The following DIP2C variants were observed in gnomAD, a reference collection of about 807,000 sequenced individuals.
The protein encoded by DIP2C is DIP2 acetate--CoA ligase C (putative).
DIP2C carries 33 observed loss-of-function variants against 192.4 expected under a neutral mutation model. The ratio of observed to expected loss-of-function variants is 0.17; its 90% CI spans 0.13 to 0.23. DIP2C has a LOEUF of 0.23. DIP2C is among the 10% of genes least tolerant of loss of function. DIP2C has a pLI of 1.00. For synonymous variants in DIP2C, 979 were observed against 864.1 expected (o/e 1.13, Z -2.33); for missense variants, 1,537 against 2,110.1 (o/e 0.73, Z 5.32).
In DIP2C at chr10:688,157, C is replaced by A. The variant is rs374656683; in HGVS notation, c.85+1337G>T. On this transcript the variant is annotated intron_variant, in intron 1 of 36. Coordinates refer to ENST00000280886, the MANE Select transcript of DIP2C (RefSeq NM_014974.3). ...CCAGTTTACATCCGAACCCTGCACA[C>A]GGCAGCTCCCGCCTCCTAGCCATGC... Among the ~76,000 whole-genome samples, 47 of 152,312 alleles carry A rather than the reference C, an allele frequency of 3.1e-4. No individual in the cohort carries two copies. The South Asian group carries it at 3.7e-3, about 12-fold the overall frequency.
intron 13 of DIP2C, among the ~76,000 whole-genome samples, chr10:388,096 G>A (rs750235412): frequency 6.6e-6 from 1 of 151,862 alleles, no homozygotes. Flanking sequence ...CCCCCTCTCT[G>A]CCTTTTTCTT....
intron 32 of DIP2C, among the ~76,000 whole-genome samples, chr10:308,909 C>T (rs754593477): frequency 6.6e-6 from 1 of 152,214 alleles, no homozygotes; most frequent in African/African-American, 2.4e-5. Context: ...GCTGTTGGGA[C>T]ACCCCTGGTC....
chr10:351,338 C>T (rs1958798101), intron 24 of DIP2C, among the ~76,000 whole-genome samples: 1 of 152,144 alleles, frequency 6.6e-6, no homozygotes, highest in African/African-American at 2.4e-5. Context: ...AACACCTGAC[C>T]CTGACCTCTA....
chr10:286,340 G>A lies in DIP2C; in HGVS notation c.4052C>T (p.Pro1351Leu). Residue 1351 changes from proline (P) to leucine (L), a missense_variant, in exon 34 of 37, where the codon CCA (proline) becomes CTA (leucine). By Grantham distance (98) the Pro-to-Leu change is moderately conservative. This residue lies in a region of DIP2C where 341 missense variants were observed against 551.7 expected (regional missense o/e 0.62). Coordinates refer to ENST00000280886, the MANE Select transcript of DIP2C (RefSeq NM_014974.3). The part of the protein sequence containing the change: ...LPLMESGKIL[P>L]GVRIIIANPE... ...GTTGGCAATTATAATCCGAACCCCT[G>A]GAAGTATCTATTTGGGAGAGGAAAA... 4 of 1,614,116 alleles carry A rather than the reference G, an allele frequency of 2.5e-6. No individual in the cohort carries two copies. The highest frequency in any genetic ancestry group is 3.4e-6 in the Non-Finnish European group (4 of 1,179,972).
intron 34 of DIP2C, among the ~76,000 whole-genome samples, chr10:283,934 A>G (rs1037327224): frequency 2.0e-5 from 3 of 152,262 alleles, no homozygotes; most frequent in Non-Finnish European, 4.4e-5. Context: ...ACATAACACC[A>G]AAAACCGGAA....
At chr10:622,322 A>G (rs1013996221) in intron 1 of DIP2C, among the ~76,000 whole-genome samples, 2 of 30,974 alleles carry the variant, frequency 6.5e-5, no homozygotes, top group African/African-American at 1.5e-4. Context: ...GAAGGGAGGG[A>G]GGGGGAGGGG....
intron 23 of DIP2C, among the ~76,000 whole-genome samples, chr10:357,033 G>C (rs1046035032): frequency 1.3e-5 from 2 of 152,228 alleles, no homozygotes; most frequent in Non-Finnish European, 2.9e-5. Context: ...GTGCTACTGA[G>C]CTGGTCCACA....
At chr10:311,839 G>A (rs1182039576) in intron 31 of DIP2C, among the ~76,000 whole-genome samples, 1 of 152,144 alleles carries the variant, frequency 6.6e-6, no homozygotes, top group Non-Finnish European at 1.5e-5. Context: ...AACAGAAGAG[G>A]GTGTAGCAGG....
chr10:429,934 T>G (rs1966840915), intron 4 of DIP2C, among the ~76,000 whole-genome samples: 2 of 151,712 alleles, frequency 1.3e-5, no homozygotes. Flanking sequence ...TGGTAAAGAG[T>G]ATATTTAGTT....
At chr10:611,368 G>T (rs1315670289) in intron 1 of DIP2C, among the ~76,000 whole-genome samples, 1 of 152,158 alleles carries the variant, frequency 6.6e-6, no homozygotes, top group African/African-American at 2.4e-5. Context: ...TATAGCAGTG[G>T]AAGAATAGCG....
At chr10:531,016 G>A (rs1847337359) in intron 1 of DIP2C, among the ~76,000 whole-genome samples, 1 of 151,958 alleles carries the variant, frequency 6.6e-6, no homozygotes, top group Non-Finnish European at 1.5e-5. Flanking sequence ...GGCGTCGTGA[G>A]CATCCTTTCC....
chr10:583,574 G>C (rs1266063885), intron 1 of DIP2C, among the ~76,000 whole-genome samples: 1 of 152,202 alleles, frequency 6.6e-6, no homozygotes, highest in Non-Finnish European at 1.5e-5. Context: ...GCCCTCTTGT[G>C]TCCCACAGCC....
intron 1 of DIP2C, among the ~76,000 whole-genome samples, chr10:616,842 A>C (rs903898219): frequency 2.0e-5 from 3 of 152,200 alleles, no homozygotes; most frequent in African/African-American, 7.2e-5. Context: ...CATCAGCGAG[A>C]GGCCGCCGTG....
intron 3 of DIP2C, among the ~76,000 whole-genome samples, chr10:463,509 T>C (rs1002319489): frequency 2.0e-5 from 3 of 152,144 alleles, no homozygotes; most frequent in African/African-American, 4.8e-5. Context: ...CACAAACAAA[T>C]GGAAAATCAT....
intron 32 of DIP2C, among the ~76,000 whole-genome samples, chr10:301,879 C>T (rs540424081): frequency 2.6e-4 from 39 of 152,292 alleles, no homozygotes; most frequent in Admixed American, 1.5e-3. Flanking sequence ...GGCAAAGCCT[C>T]GCAGGAGATT....
chr10:311,401 C>T, intron 31 of DIP2C: 1 of 739,752 alleles, frequency 1.4e-6, no homozygotes, highest in Non-Finnish European at 1.9e-6. Flanking sequence ...CGGCCGGCAG[C>T]ACCCATGATC....
chr10:612,452 A>G (rs1389229244), intron 1 of DIP2C, among the ~76,000 whole-genome samples: 2 of 152,234 alleles, frequency 1.3e-5, no homozygotes, highest in South Asian at 2.1e-4. Context: ...CCAAGGATGG[A>G]AGGAGAAAAA....
chr10:578,133 T>C (rs943509394), intron 1 of DIP2C, among the ~76,000 whole-genome samples: 7 of 152,212 alleles, frequency 4.6e-5, no homozygotes, highest in Non-Finnish European at 2.9e-5. Context: ...AGCTCTCTAT[T>C]CTTCTTTTAT....
At chr10:464,298 A>C (rs975924951) in intron 3 of DIP2C, among the ~76,000 whole-genome samples, 3 of 152,180 alleles carry the variant, frequency 2.0e-5, no homozygotes, top group Admixed American at 2.0e-4. Context: ...CAAATTTACA[A>C]GAAAAAACAA....
Sources: gnomAD v4.1 joint callset for allele counts (sites outside exome capture counted in the v4.1 genomes callset) on GRCh38, gnomAD v4.1.1 for gene constraint, gnomAD v4.1.1 regional missense constraint, MANE v1.5 for transcripts, NCBI Gene and HGNC (gene_info 2026-07-23, HGNC 2026-07-21) for gene names.